Variants in OPCML observed in about 807,000 individuals in gnomAD.
OPCML encodes opioid-binding protein/cell adhesion molecule.
Under a neutral mutation model 37.8 loss-of-function variants are expected in OPCML, and 13 were observed. That is an observed-to-expected ratio of 0.34 (90% CI 0.22 to 0.55). OPCML has a LOEUF of 0.55. Among genes scored for constraint, OPCML ranks in the 20% least tolerant of loss-of-function variants. The pLI is 0.91. For synonymous variants in OPCML, 176 were observed against 168.8 expected, an observed-to-expected ratio of 1.04 and a Z score of -0.33; for missense variants, 341 against 435.6, an observed-to-expected ratio of 0.78 and a Z score of 1.93.
At chr11:133,269,210 C>T (rs546636639) in intron 1 of OPCML, among the ~76,000 whole-genome samples, 1 of 152,288 alleles carries the variant, frequency 6.6e-6, no homozygotes, top group South Asian at 2.1e-4. Flanking sequence ...CTTTATGTAT[C>T]TGGCATTTTA....
In OPCML at chr11:133,002,486, T is replaced by G. The variant is rs147262081; in HGVS notation, c.62-59476A>C. ...CGCCCTGAGTAAGCCTCTTAACACT[T>G]TCTACCGAGGGGGTTCTTGCTTTCT... is the stretch of plus-strand genomic sequence containing the variant. On this transcript the variant is annotated intron_variant, in intron 1 of 7. Coordinates refer to ENST00000524381, the MANE Select transcript of OPCML (RefSeq NM_001012393.5). 2.6e-4 allele frequency among the ~76,000 whole-genome samples: 39 copies of G among 152,322 alleles called. 1 individual carries two copies. The East Asian group carries it at 6.2e-3, about 24-fold the overall frequency.
At chr11:133,506,532 T>G (rs1948034680) in intron 1 of OPCML, among the ~76,000 whole-genome samples, 1 of 152,222 alleles carries the variant, frequency 6.6e-6, no homozygotes, top group African/African-American at 2.4e-5. Flanking sequence ...TCTGGCGTTG[T>G]GATCCCTCAG....
In OPCML at chr11:132,525,956, A is replaced by G. The variant is rs377026055; in HGVS notation, c.505+3105T>C. 30 of 152,320 alleles carry G rather than the reference A, an allele frequency of 2.0e-4. 1 individual carries two copies. Among genetic ancestry groups the G allele is most frequent in the African/African-American group, 7.2e-4 (30 of 41,592 alleles). The allele number at this position is 152,320 out of a possible 1,614,324, so 9.4% of individuals were successfully genotyped here. ...GACAATAGTGAAAATTAAGGATAACAAAGTTAAGGCCAAGCCTATGAGAAA... is the reference window on the plus strand; with the variant it reads ...GACAATAGTGAAAATTAAGGATAACGAAGTTAAGGCCAAGCCTATGAGAAA... On this transcript the variant is annotated intron_variant, in intron 4 of 7. Transcript: ENST00000524381.
chr11:133,217,761 G>A (rs947361075), intron 1 of OPCML, among the ~76,000 whole-genome samples: 7 of 152,160 alleles, frequency 4.6e-5, no homozygotes, highest in Non-Finnish European at 1.0e-4. Context: ...TGCCAAAGAA[G>A]TTTTGCTGAG....
chr11:133,526,634 G>T (rs1355152629), intron 1 of OPCML, among the ~76,000 whole-genome samples: 1 of 152,178 alleles, frequency 6.6e-6, no homozygotes, highest in Admixed American at 6.5e-5. Context: ...CCATCTTGGG[G>T]TATCAAGTGA....
intron 2 of OPCML, among the ~76,000 whole-genome samples, chr11:132,778,972 T>G (rs1156453969): frequency 6.9e-6 from 1 of 144,666 alleles, no homozygotes; most frequent in Non-Finnish European, 1.5e-5. Context: ...TTTTTTTTTT[T>G]TTTTTTTTTT....
rs1052737323 is a variant in OPCML, at chr11:133,174,737, T to C, written c.62-231727A>G. Among the ~76,000 whole-genome samples, 5 of 151,440 alleles carry C rather than the reference T, an allele frequency of 3.3e-5. No homozygotes were observed. Among genetic ancestry groups the C allele is most frequent in the African/African-American group, 1.2e-4 (5 of 40,820 alleles). On this transcript the variant is annotated intron_variant, in intron 1 of 7. Coordinates refer to ENST00000524381, the MANE Select transcript of OPCML (RefSeq NM_001012393.5). This position sits in a 1 kb window ranked among gnomAD's most constrained non-coding sequence, Gnocchi z 4.6. ...AAATAAATTTATGTTTGCCTATCTA[T>C]ATTTTCATCTCTCTGACTGTTTTAG... is the stretch of plus-strand genomic sequence containing the variant.
rs1466848345 is a variant in OPCML at position 133,205,414 on chromosome 11, C to T, written c.62-262404G>A. ...GTTTCCCTGAGTTCTGTGATCCACT[C>T]TAGTAAATGAATTAAACCTGAAGAG... On this transcript the variant is annotated intron_variant, in intron 1 of 7. Coordinates refer to ENST00000524381, the MANE Select transcript of OPCML (RefSeq NM_001012393.5). The surrounding 1 kb of genome is among the most constrained non-coding windows in gnomAD (Gnocchi z 4.8). Among the ~76,000 whole-genome samples the T allele has an allele frequency of 6.6e-6, 1 of 152,138 alleles. No individual in the cohort carries two copies. Among genetic ancestry groups the T allele is most frequent in the Non-Finnish European group, 1.5e-5 (1 of 68,030 alleles).
At chr11:132,577,810 T>G (rs2096454150) in intron 3 of OPCML, among the ~76,000 whole-genome samples, 1 of 152,198 alleles carries the variant, frequency 6.6e-6, no homozygotes, top group East Asian at 1.9e-4. Flanking sequence ...ATTTAGATCT[T>G]GTTCCTTTCA....
intron 2 of OPCML, among the ~76,000 whole-genome samples, chr11:132,791,602 C>T (rs866804691): frequency 2.6e-5 from 4 of 152,062 alleles, no homozygotes; most frequent in Admixed American, 6.6e-5. Context: ...AGAGCCAAAT[C>T]CCACCTCATT....
In OPCML at chr11:133,356,287, T is replaced by G. The variant is rs367940223; in HGVS notation, c.61+175977A>C. On this transcript the variant is annotated intron_variant, in intron 1 of 7. Transcript: ENST00000524381. Reference sequence around the variant, plus strand: ...CTAACATCCGATTATAGGTGAAGGATGTTTTCTATTTTGTGATTATGTTCC... The same window carrying G: ...CTAACATCCGATTATAGGTGAAGGAGGTTTTCTATTTTGTGATTATGTTCC... Among the ~76,000 whole-genome samples, 4 of 152,200 alleles carry G rather than the reference T, an allele frequency of 2.6e-5. No individual in the cohort carries two copies. The South Asian group carries it at 6.2e-4, about 24-fold the overall frequency.
chr11:133,082,435 A>C (rs1024944968), intron 1 of OPCML, among the ~76,000 whole-genome samples: 1 of 59,428 alleles, frequency 1.7e-5, no homozygotes, highest in Non-Finnish European at 3.2e-5. Flanking sequence ...CCCCCTCCCC[A>C]TCCTTTCTCT....
intron 1 of OPCML, chr11:133,118,046 A>T: frequency 1.5e-6 from 1 of 658,980 alleles, no homozygotes; most frequent in Non-Finnish European, 1.9e-6. Flanking sequence ...TTTCCCCAGC[A>T]GGTGAAACAC....
chr11:133,017,787 T>C (rs1012130520), intron 1 of OPCML, among the ~76,000 whole-genome samples: 1 of 152,260 alleles, frequency 6.6e-6, no homozygotes, highest in Non-Finnish European at 1.5e-5. Flanking sequence ...CCAGTCTCAA[T>C]GCTTGCTAGC....
In OPCML at chr11:133,377,612, G is replaced by GAAAA. The variant is rs71477791; in HGVS notation, c.61+154648_61+154651dup. Among the ~76,000 whole-genome samples the GAAAA allele has an allele frequency of 9.9e-4, 78 of 79,088 alleles. 4 individuals are homozygous for GAAAA. Among genetic ancestry groups the GAAAA allele is most frequent in the South Asian group, 4.5e-3 (9 of 1,992 alleles). The allele number at this position is 79,088 out of a possible 152,430, so 51.9% of individuals were successfully genotyped here. ...GCTCTCTCTGACGTGCCAGTATTCA[G>GAAAA]AAAAAAAAAAAAAAAGAGCACCAAG... On this transcript the variant is annotated intron_variant, in intron 1 of 7. Coordinates refer to ENST00000524381, the MANE Select transcript of OPCML (RefSeq NM_001012393.5).
intron 7 of OPCML, among the ~76,000 whole-genome samples, chr11:132,434,852 G>A (rs1324826226): frequency 2.6e-5 from 4 of 152,066 alleles, no homozygotes; most frequent in Non-Finnish European, 5.9e-5. Context: ...TGCTCTTGGT[G>A]CTGCTGTGTA....
chr11:132,476,913 T>C (rs1328173572), intron 4 of OPCML, among the ~76,000 whole-genome samples: 1 of 152,234 alleles, frequency 6.6e-6, no homozygotes, highest in African/African-American at 2.4e-5. Context: ...TTTTATCTAC[T>C]AAACAAATTG....
intron 1 of OPCML, among the ~76,000 whole-genome samples, chr11:133,018,467 C>T (rs1947380354): frequency 6.6e-6 from 1 of 152,104 alleles, no homozygotes; most frequent in Admixed American, 6.6e-5. Context: ...TACAACACCC[C>T]CAGAAACACT....
chr11:133,371,893 C>T (rs144638504), intron 1 of OPCML, among the ~76,000 whole-genome samples: 6 of 152,054 alleles, frequency 3.9e-5, no homozygotes, highest in African/African-American at 9.7e-5. Context: ...AACTGAAGAT[C>T]GGCATATGAA....
Sources: allele counts gnomAD v4.1 joint callset (sites outside exome capture counted in the v4.1 genomes callset), GRCh38; gene constraint gnomAD v4.1.1; non-coding constraint Gnocchi (gnomAD v3.1); transcripts MANE v1.5; gene names NCBI Gene and HGNC (gene_info 2026-07-23, HGNC 2026-07-21).